CFAP299: variants seen among roughly 807,000 people sequenced by gnomAD.
CFAP299 encodes the protein cilia and flagella associated protein 299.
CFAP299 carries 21 observed loss-of-function variants against 27.0 expected under a neutral mutation model. The observed-to-expected ratio is 0.78, with a 90% confidence interval of 0.55 to 1.12. CFAP299 has a LOEUF of 1.12. Among genes scored for constraint, CFAP299 ranks in the 50% most tolerant of loss-of-function variants. The probability of loss-of-function intolerance (pLI) is 0.00; values close to 1 mark genes in which losing one functional copy is unlikely to be tolerated. For synonymous variants in CFAP299, 104 were observed against 98.1 expected (o/e 1.06, Z -0.36); for missense variants, 310 against 276.6 (o/e 1.12, Z -0.86).
intron 3 of CFAP299, among the ~76,000 whole-genome samples, chr4:80,725,343 C>T (rs1723096640): frequency 6.6e-6 from 1 of 151,838 alleles, no homozygotes; most frequent in Non-Finnish European, 1.5e-5. Flanking sequence ...TGTAAAATTT[C>T]TATTTTTTTC....
At chr4:80,786,984 AT>A (rs1176172308) in intron 3 of CFAP299, among the ~76,000 whole-genome samples, 1 of 151,970 alleles carries the variant, frequency 6.6e-6, no homozygotes. Flanking sequence ...CACTTGATCA[AT>A]AAGATAGAGA....
At chr4:80,467,268 A>G (rs1235860374) in intron 2 of CFAP299, among the ~76,000 whole-genome samples, 1 of 152,122 alleles carries the variant, frequency 6.6e-6, no homozygotes, top group Non-Finnish European at 1.5e-5. Flanking sequence ...TCCCATTCCC[A>G]CCCTCTCTAG....
intron 3 of CFAP299, among the ~76,000 whole-genome samples, chr4:80,594,025 T>G (rs980132982): frequency 8.5e-5 from 13 of 152,346 alleles, no homozygotes; most frequent in African/African-American, 2.9e-4. Context: ...TTTCTGAGAT[T>G]GTTCAGTCTA....
intron 3 of CFAP299, among the ~76,000 whole-genome samples, chr4:80,630,692 A>C (rs1222310504): frequency 6.6e-6 from 1 of 152,090 alleles, no homozygotes; most frequent in Non-Finnish European, 1.5e-5. Context: ...AAAGTATTTT[A>C]TTCATGAAAT....
chr4:80,784,103 G>A (rs1254701940), intron 3 of CFAP299, among the ~76,000 whole-genome samples: 1 of 152,078 alleles, frequency 6.6e-6, no homozygotes, highest in African/African-American at 2.4e-5. Flanking sequence ...TATTCCATTT[G>A]TGTGTATTAT....
intron 2 of CFAP299, among the ~76,000 whole-genome samples, chr4:80,571,090 A>G (rs1735559445): frequency 6.6e-6 from 1 of 152,166 alleles, no homozygotes; most frequent in African/African-American, 2.4e-5. Flanking sequence ...ACTGACATAA[A>G]GAAAATGTTG....
chr4:80,655,791 C>T (rs1005959836), intron 3 of CFAP299, among the ~76,000 whole-genome samples: 1 of 152,026 alleles, frequency 6.6e-6, no homozygotes, highest in Non-Finnish European at 1.5e-5. Flanking sequence ...AACATGGGGC[C>T]CCAGGAGGAA....
At chr4:80,855,823 TG>T (rs1325629860) in intron 3 of CFAP299, among the ~76,000 whole-genome samples, 1 of 152,040 alleles carries the variant, frequency 6.6e-6, no homozygotes, top group Admixed American at 6.6e-5. Flanking sequence ...ACATTTGGGT[TG>T]GTTCCAAGTC....
chr4:80,794,479 T>A (rs1727742101), intron 3 of CFAP299, among the ~76,000 whole-genome samples: 1 of 152,140 alleles, frequency 6.6e-6, no homozygotes, highest in Admixed American at 6.5e-5. Flanking sequence ...TGGAGAACTT[T>A]ACCCCAGCCC....
intron 2 of CFAP299, among the ~76,000 whole-genome samples, chr4:80,522,021 A>T (rs772961059): frequency 1.3e-5 from 2 of 151,878 alleles, no homozygotes; most frequent in Non-Finnish European, 2.9e-5. Context: ...TCTTTTTTAA[A>T]TTTTTTGAGA....
rs561815682 is a variant in CFAP299, at chr4:80,575,464, T to A, written c.243-7629T>A. Among the ~76,000 whole-genome samples, 9 of 152,192 alleles carry A rather than the reference T, an allele frequency of 5.9e-5. No individual in the cohort carries two copies. The South Asian group carries it at 6.2e-4, about 11-fold the overall frequency. ...CCTCATCCTCCCAGGTAGCTGGGAC[T>A]ACAGGCAGGAGCCACCATGACCAGC... is the stretch of plus-strand genomic sequence containing the variant. On this transcript the variant is annotated intron_variant, in intron 2 of 5. Transcript: ENST00000358105.
chr4:80,849,980 A>G (rs1299680678), intron 3 of CFAP299, among the ~76,000 whole-genome samples: 2 of 152,166 alleles, frequency 1.3e-5, no homozygotes, highest in East Asian at 1.9e-4. Context: ...ACAGTACCCT[A>G]TAAATATGTA....
In CFAP299 at chr4:80,931,323, A is replaced by G. The variant is rs147697477; in HGVS notation, c.477-13487A>G. On this transcript the variant is annotated intron_variant, in intron 4 of 5. Coordinates refer to ENST00000358105, the MANE Select transcript of CFAP299 (RefSeq NM_152770.3). ...CTACTTTGAAGCCAGAAAACCTCCA[A>G]AGATCCTTATTTACCTAAATGTTCC... 4.8e-3 allele frequency among the ~76,000 whole-genome samples: 732 copies of G among 152,202 alleles called. 4 individuals carry two copies. Among genetic ancestry groups the G allele is most frequent in the Non-Finnish European group, 7.7e-3 (522 of 68,016 alleles).
intron 4 of CFAP299, among the ~76,000 whole-genome samples, chr4:80,934,720 T>C (rs1284572694): frequency 6.6e-6 from 1 of 152,036 alleles, no homozygotes. Context: ...TGTATTTCTG[T>C]GGTATCAAAC....
Position 80,799,915 on chromosome 4 carries a change from A to G in CFAP299, c.334-70078A>G, listed in dbSNP as rs1312488474. Among the ~76,000 whole-genome samples the G allele has an allele frequency of 8.8e-4, 38 of 42,998 alleles. 2 individuals carry two copies. Among genetic ancestry groups the G allele is most frequent in the Admixed American group, 3.1e-3 (7 of 2,232 alleles). The allele number at this position is 42,998 out of a possible 152,430, so 28.2% of individuals were successfully genotyped here. On this transcript the variant is annotated intron_variant, in intron 3 of 5. Coordinates refer to ENST00000358105, the MANE Select transcript of CFAP299 (RefSeq NM_152770.3). ...TAAATTATATATTATAATATAATATATAATATATATATTTATATATTATAT... is the reference window on the plus strand; with the variant it reads ...TAAATTATATATTATAATATAATATGTAATATATATATTTATATATTATAT...
At chr4:80,887,430 T>C (rs1734026610) in intron 4 of CFAP299, among the ~76,000 whole-genome samples, 1 of 149,098 alleles carries the variant, frequency 6.7e-6, no homozygotes, top group African/African-American at 2.5e-5. Context: ...TGGTATGACA[T>C]ATTTAAAGTG....
chr4:80,641,176 C>T (rs1287432926), intron 3 of CFAP299, among the ~76,000 whole-genome samples: 6 of 151,906 alleles, frequency 3.9e-5, no homozygotes, highest in African/African-American at 1.5e-4. Context: ...TTAATATATT[C>T]ATCATAACAT....
chr4:80,490,922 G>A (rs1034398000), intron 2 of CFAP299, among the ~76,000 whole-genome samples: 2 of 150,556 alleles, frequency 1.3e-5, no homozygotes, highest in Non-Finnish European at 3.0e-5. Flanking sequence ...CTTGGAACAG[G>A]ATTATGTGTG....
At chr4:80,396,272 C>T (rs1187159829) in intron 2 of CFAP299, among the ~76,000 whole-genome samples, 1 of 152,002 alleles carries the variant, frequency 6.6e-6, no homozygotes, top group African/African-American at 2.4e-5. Flanking sequence ...TTCCAGCACT[C>T]AATAAATAAT....
Sources: gnomAD v4.1 joint callset for allele counts (sites outside exome capture counted in the v4.1 genomes callset) on GRCh38, gnomAD v4.1.1 for gene constraint, MANE v1.5 for transcripts, NCBI Gene and HGNC (gene_info 2026-07-23, HGNC 2026-07-21) for gene names.